Variants in TENM4 observed in about 807,000 individuals in gnomAD.
TENM4 encodes teneurin transmembrane protein 4.
TENM4 carries 82 observed loss-of-function variants against 243.3 expected under a neutral mutation model. The observed-to-expected ratio is 0.34, with a 90% CI of 0.28 to 0.40. TENM4 has a LOEUF of 0.40. Ranked by LOEUF, TENM4 falls within the 10% of genes least tolerant of loss-of-function variation. The probability of loss-of-function intolerance (pLI) is 1.00; values close to 1 mark genes in which losing one functional copy is unlikely to be tolerated. For missense variants in TENM4, 3,138 were observed against 3,673.3 expected, an observed-to-expected ratio of 0.85 and a Z score of 3.77; for synonymous variants, 1,412 against 1,456.3, an observed-to-expected ratio of 0.97 and a Z score of 0.69.
intron 1 of TENM4, among the ~76,000 whole-genome samples, chr11:79,355,970 G>A (rs781333724): frequency 6.6e-6 from 1 of 152,128 alleles, no homozygotes; most frequent in African/African-American, 2.4e-5. Flanking sequence ...GGGGTTTGAG[G>A]GGCCCAAGGC....
chr11:79,387,712 A>G (rs991327641), intron 1 of TENM4, among the ~76,000 whole-genome samples: 1 of 152,218 alleles, frequency 6.6e-6, no homozygotes, highest in Non-Finnish European at 1.5e-5. Context: ...ACATTAGAAA[A>G]TAAACAAACA....
At chr11:78,846,639 C>T (rs989945961) in intron 12 of TENM4, among the ~76,000 whole-genome samples, 3 of 152,224 alleles carry the variant, frequency 2.0e-5, no homozygotes, top group Non-Finnish European at 4.4e-5. Context: ...CATTTTCCTT[C>T]CACCTCAATT....
At chr11:79,056,741 G>A (rs180991059) in intron 6 of TENM4, among the ~76,000 whole-genome samples, 21 of 152,266 alleles carry the variant, frequency 1.4e-4, no homozygotes, top group Admixed American at 4.6e-4. Context: ...AGGATGGAGC[G>A]TGGTGGGAGG....
chr11:78,689,922 T>C (rs544351249), intron 28 of TENM4, among the ~76,000 whole-genome samples: 1 of 152,274 alleles, frequency 6.6e-6, no homozygotes, highest in South Asian at 2.1e-4. Context: ...TTGGGGAAGT[T>C]GGATGCCTCT....
At chr11:78,925,007 T>C (rs1012460590) in intron 6 of TENM4, among the ~76,000 whole-genome samples, 1 of 152,210 alleles carries the variant, frequency 6.6e-6, no homozygotes, top group Non-Finnish European at 1.5e-5. Flanking sequence ...AGCTGTGATT[T>C]TGCAAAATTA....
chr11:78,891,151 T>G, intron 8 of TENM4, 87 bp downstream of exon 8: 2 of 1,248,718 alleles, frequency 1.6e-6, no homozygotes, highest in Non-Finnish European at 2.3e-6. Context: ...CCCCAGAAGA[T>G]CCCAGGGAAA....
chr11:79,071,009 G>C lies in TENM4; in HGVS notation c.-65-1000C>G, dbSNP rs568798459. On this transcript the variant is annotated intron_variant, in intron 4 of 33. Coordinates refer to ENST00000278550, the MANE Select transcript of TENM4 (RefSeq NM_001098816.3). ...TGCCCCATCCATCTGGGTGTTGCTA[G>C]AAGGTCTGACTGGTGGGAAGCTCCT... Among the ~76,000 whole-genome samples, 11 of 152,284 alleles carry C rather than the reference G, an allele frequency of 7.2e-5. No individual in the cohort carries two copies. The South Asian group carries it at 8.3e-4, about 12-fold the overall frequency.
intron 6 of TENM4, among the ~76,000 whole-genome samples, chr11:78,981,340 C>G (rs1857789284): frequency 2.0e-5 from 3 of 152,134 alleles, no homozygotes; most frequent in Admixed American, 6.6e-5. Flanking sequence ...TCATTGCATC[C>G]CCACGACAGT....
intron 12 of TENM4, among the ~76,000 whole-genome samples, chr11:78,846,546 C>T (rs1858397303): frequency 6.6e-6 from 1 of 152,196 alleles, no homozygotes; most frequent in South Asian, 2.1e-4. Context: ...TGTCTGTCCC[C>T]GTTAAAGCAT....
chr11:78,729,790 G>T, intron 21 of TENM4, 147 bp from the exon 22 acceptor site: 1 of 1,049,180 alleles, frequency 9.5e-7, no homozygotes, highest in South Asian at 1.7e-5. Context: ...GGAGACAGTG[G>T]AAAGAAGAGG....
In TENM4 at chr11:79,440,566, G is replaced by A. The variant is rs1386544996; in HGVS notation, c.-378C>T. ...GCGAGGACGGCGGCAGGGAGGCAAG[G>A]CGCCGCGCCGGTGGCTCCTCTCTCT... is the stretch of plus-strand genomic sequence containing the variant. On this transcript the variant is annotated 5_prime_UTR_variant, in exon 1 of 34. Transcript: ENST00000278550. The surrounding 1 kb of genome is among the most constrained non-coding windows in gnomAD (Gnocchi z 4.7). The A allele has an allele frequency of 6.6e-6, 1 of 152,190 alleles. No individual in the cohort carries two copies. Among genetic ancestry groups the A allele is most frequent in the African/African-American group, 2.4e-5 (1 of 41,440 alleles). 9.4% of individuals were successfully genotyped at this position (152,190 alleles called of 1,614,324 possible).
At chr11:78,822,742 TA>T (rs1051812871) in intron 12 of TENM4, among the ~76,000 whole-genome samples, 6 of 151,890 alleles carry the variant, frequency 4.0e-5, no homozygotes, top group African/African-American at 1.5e-4. Context: ...ATTTTTTTTT[TA>T]AAAAAAGAAA....
At chr11:79,052,519 G>A (rs1473447928) in intron 6 of TENM4, among the ~76,000 whole-genome samples, 1 of 152,210 alleles carries the variant, frequency 6.6e-6, no homozygotes, top group East Asian at 1.9e-4. Context: ...AGTAATGCAT[G>A]TGCACTATCT....
At chr11:79,228,535 C>T (rs1864316584) in intron 2 of TENM4, among the ~76,000 whole-genome samples, 1 of 152,130 alleles carries the variant, frequency 6.6e-6, no homozygotes, top group Admixed American at 6.5e-5. Flanking sequence ...CCTTCTCAGA[C>T]CTCACGTGCC....
At chr11:79,379,536 G>A (rs541046047) in intron 1 of TENM4, among the ~76,000 whole-genome samples, 1 of 152,308 alleles carries the variant, frequency 6.6e-6, no homozygotes, top group South Asian at 2.1e-4. Flanking sequence ...GGTTCAAGGA[G>A]TACTGTGATA....
intron 3 of TENM4, among the ~76,000 whole-genome samples, chr11:79,179,040 G>T (rs963198633): frequency 1.3e-5 from 2 of 152,154 alleles, no homozygotes; most frequent in Non-Finnish European, 2.9e-5. Context: ...AGTAAGGCTG[G>T]TACAAGGACG....
chr11:79,114,090 C>G (rs960182894), intron 4 of TENM4, among the ~76,000 whole-genome samples: 6 of 152,168 alleles, frequency 3.9e-5, no homozygotes, highest in African/African-American at 1.4e-4. Flanking sequence ...AACTCTGCCT[C>G]TATCTCAACG....
intron 4 of TENM4, among the ~76,000 whole-genome samples, chr11:79,099,751 G>T (rs1338901310): frequency 1.3e-5 from 2 of 152,174 alleles, no homozygotes; most frequent in Non-Finnish European, 2.9e-5. Context: ...ATAAAAGTTG[G>T]CCATAGCCAT....
At chr11:78,734,102 G>A (rs1252804835) in intron 20 of TENM4, among the ~76,000 whole-genome samples, 2 of 152,194 alleles carry the variant, frequency 1.3e-5, no homozygotes, top group African/African-American at 2.4e-5. Flanking sequence ...TGAGGCAGGA[G>A]AATGGCTTGA....
Sources: allele counts gnomAD v4.1 joint callset (sites outside exome capture counted in the v4.1 genomes callset), GRCh38; gene constraint gnomAD v4.1.1; non-coding constraint Gnocchi (gnomAD v3.1); transcripts MANE v1.5; gene names NCBI Gene and HGNC (gene_info 2026-07-23, HGNC 2026-07-21).